ZNF827: variants seen among roughly 807,000 people sequenced by gnomAD.
The protein encoded by ZNF827 is zinc finger protein 827.
A neutral mutation model predicts 102.4 loss-of-function variants in ZNF827; 13 were observed. That is an observed-to-expected ratio of 0.13 (90% CI 0.08 to 0.20). The LOEUF (loss-of-function observed/expected upper bound fraction) is 0.20. ZNF827 is among the 10% of genes least tolerant of loss of function. The pLI is 1.00. For synonymous variants in ZNF827, 523 were observed against 536.2 expected (o/e 0.98, Z 0.34); for missense variants, 1,103 against 1,344.4 (o/e 0.82, Z 2.81).
chr4:145,936,637 C>A (rs369851835), intron 1 of ZNF827, among the ~76,000 whole-genome samples: 31 of 152,246 alleles, frequency 2.0e-4, no homozygotes, highest in East Asian at 9.7e-4. Context: ...CCCGCGCCCC[C>A]CTCCCGGTCC....
Position 145,760,332 on chromosome 4 carries a change from C to G in ZNF827, c.*1284G>C, listed in dbSNP as rs1734311705. On this transcript the variant is annotated 3_prime_UTR_variant, in exon 15 of 15. Transcript: ENST00000508784. Reference sequence around the variant, plus strand: ...GTCATGGCACACGACACACGGCTTTCTCTTTCAGAATCCACAAACGCCCAC... The same window carrying G: ...GTCATGGCACACGACACACGGCTTTGTCTTTCAGAATCCACAAACGCCCAC... 6.6e-6 allele frequency: 1 copy of G among 152,378 alleles called. No individual in the cohort carries two copies. Among genetic ancestry groups the G allele is most frequent in the Non-Finnish European group, 1.5e-5 (1 of 68,150 alleles). 9.4% of individuals were successfully genotyped at this position (152,378 alleles called of 1,614,324 possible).
chr4:145,824,516 C>T (rs1275377064), intron 7 of ZNF827, among the ~76,000 whole-genome samples: 1 of 152,164 alleles, frequency 6.6e-6, no homozygotes, highest in Non-Finnish European at 1.5e-5. Flanking sequence ...CACCCTGAGG[C>T]TGGAGGGACA....
chr4:145,931,513 C>G (rs1265535413), intron 1 of ZNF827, among the ~76,000 whole-genome samples: 1 of 152,220 alleles, frequency 6.6e-6, no homozygotes, highest in African/African-American at 2.4e-5. Flanking sequence ...CGCCACAAAG[C>G]TCATGTTCTT....
At chr4:145,825,987 A>C (rs1188089228) in intron 7 of ZNF827, among the ~76,000 whole-genome samples, 1 of 152,230 alleles carries the variant, frequency 6.6e-6, no homozygotes, top group Non-Finnish European at 1.5e-5. Flanking sequence ...CAATGGAGAA[A>C]CTTTCAGAAG....
At chr4:145,878,610 G>T (rs970063249) in intron 4 of ZNF827, among the ~76,000 whole-genome samples, 4 of 121,746 alleles carry the variant, frequency 3.3e-5, no homozygotes, top group African/African-American at 1.4e-4. Flanking sequence ...GACAGGAAAG[G>T]AAAGGAAAGG....
chr4:145,779,030 C>A (rs1443077255), intron 9 of ZNF827, among the ~76,000 whole-genome samples: 1 of 152,150 alleles, frequency 6.6e-6, no homozygotes, highest in Non-Finnish European at 1.5e-5. Context: ...CTCCCACCCA[C>A]AACAATAAGA....
rs558659323 is a variant in ZNF827 at position 145,800,699 on chromosome 4, C to A, written c.2384-21188G>T. Among the ~76,000 whole-genome samples, 4 of 152,282 alleles carry A rather than the reference C, an allele frequency of 2.6e-5. No individual in the cohort carries two copies. The East Asian group carries it at 7.7e-4, about 29-fold the overall frequency. On this transcript the variant is annotated intron_variant, in intron 8 of 14. Coordinates refer to ENST00000508784, the MANE Select transcript of ZNF827 (RefSeq NM_001306215.2). ...TGACTGACAATTCCCTACTGTGGGG[C>A]CTGTGCTGTGCATTGCAGATTGTAG... is the stretch of plus-strand genomic sequence containing the variant.
chr4:145,845,349 ACCT>A (rs1745827429), intron 7 of ZNF827, among the ~76,000 whole-genome samples: 4 of 152,054 alleles, frequency 2.6e-5, no homozygotes, highest in Admixed American at 2.6e-4. Flanking sequence ...ACACTGGCTA[ACCT>A]CCTCAGACTG....
At chr4:145,881,071 T>C (rs541948362) in intron 4 of ZNF827, among the ~76,000 whole-genome samples, 93 of 152,208 alleles carry the variant, frequency 6.1e-4, no homozygotes, top group Non-Finnish European at 1.3e-4. Flanking sequence ...ACAAAAACTG[T>C]ATTGTAAATG....
At chr4:145,774,770 T>A (rs1440177831) in intron 10 of ZNF827, 98 bp from the exon 11 acceptor site, 35 of 1,346,268 alleles carry the variant, frequency 2.6e-5, no homozygotes, top group Non-Finnish European at 3.3e-5. Flanking sequence ...TCAAGAAAAC[T>A]GGAATTTGAA....
intron 1 of ZNF827, among the ~76,000 whole-genome samples, chr4:145,914,793 C>T (rs1417021271): frequency 6.6e-6 from 1 of 152,208 alleles, no homozygotes; most frequent in Non-Finnish European, 1.5e-5. Context: ...TTCCTTTCTT[C>T]TCAGGCATTC....
In ZNF827 at chr4:145,765,420, G is replaced by A; in HGVS notation, c.3052+127C>T. On this transcript the variant is annotated intron_variant, in intron 12 of 14. Transcript: ENST00000508784. This position sits in a 1 kb window ranked among gnomAD's most constrained non-coding sequence, Gnocchi z 4.7. ...CAAAAGAAATACAACCTTTAGGTGA[G>A]GCCCAGCATACTGCATCCTGGGCCT... The A allele has an allele frequency of 2.5e-6, 3 of 1,189,534 alleles. No homozygotes were observed. In the South Asian group the frequency reaches 4.9e-5, roughly 19 times the overall value. The allele number at this position is 1,189,534 out of a possible 1,614,324, so 73.7% of individuals were successfully genotyped here. A position where few individuals can be genotyped will look rare whatever the true frequency, so the allele number is the denominator to read the frequency against.
intron 8 of ZNF827, among the ~76,000 whole-genome samples, chr4:145,820,961 T>C (rs1743084227): frequency 6.6e-6 from 1 of 152,238 alleles, no homozygotes; most frequent in African/African-American, 2.4e-5. Flanking sequence ...GCACTGCATT[T>C]AGCAGATTAC....
Position 145,902,041 on chromosome 4 carries a change from T to G in ZNF827, c.1093+125A>C. 8.0e-7 allele frequency: 1 copy of G among 1,245,462 alleles called. No individual in the cohort carries two copies. Among genetic ancestry groups the G allele is most frequent in the Non-Finnish European group, 1.1e-6 (1 of 915,576 alleles). The allele number at this position is 1,245,462 out of a possible 1,614,324, so 77.2% of individuals were successfully genotyped here. ...CTGCTTACTTAAAGTATTTTTGTTG[T>G]GCTCTTGCTTTTTTATTCCTGCCTC... On this transcript the variant is annotated intron_variant, in intron 2 of 14. Coordinates refer to ENST00000508784, the MANE Select transcript of ZNF827 (RefSeq NM_001306215.2). The surrounding 1 kb of genome is among the most constrained non-coding windows in gnomAD (Gnocchi z 4.3).
rs184496278 is a variant in ZNF827 at position 145,812,569 on chromosome 4, C to G, written c.2383+10853G>C. 1.8e-4 allele frequency among the ~76,000 whole-genome samples: 28 copies of G among 151,666 alleles called. 1 individual carries two copies. Among genetic ancestry groups the G allele is most frequent in the Admixed American group, 1.8e-3 (28 of 15,192 alleles). ...TTGAGATGGTGTCTCGCTCTGTCAC[C>G]CAGGCTGGAGTGCAGTGGCGTGATC... On this transcript the variant is annotated intron_variant, in intron 8 of 14. Coordinates refer to ENST00000508784, the MANE Select transcript of ZNF827 (RefSeq NM_001306215.2).
rs771036713 is a variant in ZNF827, at chr4:145,765,512, A to G, written c.3052+35T>C. The G allele has an allele frequency of 1.9e-6, 3 of 1,576,732 alleles. No homozygotes were observed. Among genetic ancestry groups the G allele is most frequent in the African/African-American group, 1.4e-5 (1 of 74,004 alleles). On this transcript the variant is annotated intron_variant, in intron 12 of 14. Coordinates refer to ENST00000508784, the MANE Select transcript of ZNF827 (RefSeq NM_001306215.2). The surrounding 1 kb of genome is among the most constrained non-coding windows in gnomAD (Gnocchi z 4.7). ...CAAGAATGGGTCATCCTGGGTGCGG[A>G]GGGTTGAGCAGGCTCACACCCACCT... is the stretch of plus-strand genomic sequence containing the variant.
rs1425205482 is a variant in ZNF827 at position 145,793,643 on chromosome 4, G to C, written c.2384-14132C>G. Among the ~76,000 whole-genome samples, 3 of 151,854 alleles carry C rather than the reference G, an allele frequency of 2.0e-5. No individual in the cohort carries two copies. In the East Asian group the frequency reaches 5.8e-4, roughly 29 times the overall value. ...ACTGACTCAAATATTAATCTCCTTG[G>C]CAACAGACACACAGGCACACCCAGG... On this transcript the variant is annotated intron_variant, in intron 8 of 14. Coordinates refer to ENST00000508784, the MANE Select transcript of ZNF827 (RefSeq NM_001306215.2).
intron 9 of ZNF827, 142 bp downstream of exon 9, chr4:145,779,232 C>T (rs1737579378): frequency 8.8e-7 from 1 of 1,137,192 alleles, no homozygotes; most frequent in African/African-American, 1.6e-5. Flanking sequence ...CTTCTTTAAA[C>T]ATGCCAGAGA....
At chr4:145,807,706 G>A (rs868748812) in intron 8 of ZNF827, among the ~76,000 whole-genome samples, 2 of 150,588 alleles carry the variant, frequency 1.3e-5, no homozygotes, top group Non-Finnish European at 3.0e-5. Flanking sequence ...TCCTGACCTC[G>A]TGATTCGCCC....
Sources: gnomAD v4.1 joint callset for allele counts (sites outside exome capture counted in the v4.1 genomes callset) on GRCh38, gnomAD v4.1.1 for gene constraint, Gnocchi (gnomAD v3.1) non-coding constraint, MANE v1.5 for transcripts, NCBI Gene and HGNC (gene_info 2026-07-23, HGNC 2026-07-21) for gene names.